Variants in TMPRSS4 observed in about 807,000 individuals in gnomAD.
TMPRSS4 encodes the protein transmembrane serine protease 4.
A neutral mutation model predicts 56.4 loss-of-function variants in TMPRSS4; 45 were observed. The ratio of observed to expected loss-of-function variants is 0.80; its 90% CI spans 0.63 to 1.02. The LOEUF is 1.02. TMPRSS4 is among the 50% of genes least tolerant of loss of function. The pLI, the probability that TMPRSS4 is intolerant of heterozygous loss-of-function variation, is 0.00. For synonymous variants in TMPRSS4, 205 were observed against 211.0 expected, an observed-to-expected ratio of 0.97 and a Z score of 0.25; for missense variants, 546 against 556.7, an observed-to-expected ratio of 0.98 and a Z score of 0.19.
At chr11:118,115,029 C>G in intron 10 of TMPRSS4, 102 bp downstream of exon 10, 1 of 1,547,624 alleles carries the variant, frequency 6.5e-7, no homozygotes, top group South Asian at 1.2e-5. Context: ...AGAAACCCAT[C>G]CTGGAGGACC....
At chr11:118,090,787 CTT>C (rs1945887917) in intron 1 of TMPRSS4, among the ~76,000 whole-genome samples, 1 of 149,876 alleles carries the variant, frequency 6.7e-6, no homozygotes, top group African/African-American at 2.5e-5. Flanking sequence ...CTCTCTCTTT[CTT>C]TCTCTCTCAC....
chr11:118,112,773 C>T (rs1299631330), intron 8 of TMPRSS4, among the ~76,000 whole-genome samples: 1 of 151,832 alleles, frequency 6.6e-6, no homozygotes, highest in African/African-American at 2.4e-5. Context: ...TTCATTAGAC[C>T]CCACCGCTGT....
intron 1 of TMPRSS4, among the ~76,000 whole-genome samples, chr11:118,082,078 A>G (rs1945177934): frequency 6.6e-6 from 1 of 152,158 alleles, no homozygotes; most frequent in South Asian, 2.1e-4. Flanking sequence ...TGCTGGGAGA[A>G]CCTGTCCGGA....
chr11:118,099,433 A>G (rs1946605239), intron 3 of TMPRSS4, among the ~76,000 whole-genome samples: 1 of 146,894 alleles, frequency 6.8e-6, no homozygotes, highest in African/African-American at 2.5e-5. Flanking sequence ...AAACAGAGAG[A>G]GAAAAAGAAA....
chr11:118,087,445 T>C (rs536389452), intron 1 of TMPRSS4: 1 of 152,340 alleles, frequency 6.6e-6, no homozygotes, highest in African/African-American at 2.4e-5. Flanking sequence ...ATTATGAGGT[T>C]ATTAACTCTT....
chr11:118,107,596 C>G (rs1947058087), intron 5 of TMPRSS4, 178 bp from the exon 6 acceptor site: 5 of 533,944 alleles, frequency 9.4e-6, no homozygotes. Flanking sequence ...AGGGTCGGTT[C>G]TTTATTGTAT....
At chr11:118,099,738 G>A (rs1045427235) in intron 3 of TMPRSS4, among the ~76,000 whole-genome samples, 11 of 152,126 alleles carry the variant, frequency 7.2e-5, no homozygotes, top group African/African-American at 2.4e-4. Flanking sequence ...GCGGCTGGAA[G>A]AACAGGGCGA....
intron 2 of TMPRSS4, among the ~76,000 whole-genome samples, chr11:118,097,448 T>C (rs1946468126): frequency 1.3e-5 from 2 of 151,616 alleles, no homozygotes; most frequent in African/African-American, 4.9e-5. Flanking sequence ...CATGTGGAGG[T>C]GAGGGTAGGA....
intron 11 of TMPRSS4, chr11:118,115,684 G>A (rs998198032): frequency 7.1e-5 from 12 of 168,742 alleles, no homozygotes; most frequent in Admixed American, 1.7e-4. Context: ...TTAGCTGGGC[G>A]TGGTGGCACG....
intron 3 of TMPRSS4, among the ~76,000 whole-genome samples, chr11:118,100,402 C>G (rs550653883): frequency 6.6e-6 from 1 of 152,330 alleles, no homozygotes; most frequent in South Asian, 2.1e-4. Flanking sequence ...AGCCAACTGC[C>G]TGGTTAGAGG....
At chr11:118,108,352 C>T in intron 6 of TMPRSS4, 1 of 168,452 alleles carries the variant, frequency 5.9e-6, no homozygotes, top group Non-Finnish European at 1.3e-5. Context: ...TAGAGCAGAG[C>T]ATCCAGATGA....
rs1473193414 is a variant in TMPRSS4 at position 118,117,313 on chromosome 11, TG to T, written c.1163del (p.Gly388ValfsTer4). ...GTTCTGGTCTCTCACAGGGTGACAGTGGTGGGCCCCTGATGTACCAATCTGA... is the reference window on the plus strand; with the variant it reads ...GTTCTGGTCTCTCACAGGGTGACAGTGTGGGCCCCTGATGTACCAATCTGA... ...GGVDTCQGDS[G>X]GPLMYQSDQW... On this transcript the variant is annotated frameshift_variant, in exon 12 of 13. Transcript: ENST00000437212. LOFTEE classifies it high-confidence loss of function. 6.2e-7 allele frequency: 1 copy of T among 1,614,092 alleles called. No homozygotes were observed.
Position 118,117,505 on chromosome 11 carries a change from G to A in TMPRSS4, c.1302+51G>A, listed in dbSNP as rs563923886. On this transcript the variant is annotated intron_variant, in intron 12 of 12. Coordinates refer to ENST00000437212, the MANE Select transcript of TMPRSS4 (RefSeq NM_019894.4). ...GTGCCTTCCCTCCAGTCCTCTACCT[G>A]GGGGGTGCCAATCCATCCTCAGGTT... 4 of 1,570,716 alleles carry A rather than the reference G, an allele frequency of 2.5e-6. No individual in the cohort carries two copies. In the Admixed American group the frequency reaches 7.2e-5, roughly 28 times the overall value.
In TMPRSS4 at chr11:118,118,581, A is replaced by G; in HGVS notation, c.*668A>G. 1 of 985,432 alleles carries G rather than the reference A, an allele frequency of 1.0e-6. No individual in the cohort carries two copies. The highest frequency in any genetic ancestry group is 1.2e-6 in the Non-Finnish European group (1 of 829,934). The allele number at this position is 985,432 out of a possible 1,614,324, so 61.0% of individuals were successfully genotyped here. On this transcript the variant is annotated 3_prime_UTR_variant, in exon 13 of 13. Transcript: ENST00000437212. ...TCAAAGTAGAGGCAGGGGAAAAAAG[A>G]GTTAGGGAGACCAGATCTGCTGAGT...
rs1185556480 is a variant in TMPRSS4, at chr11:118,119,922, A to G, written c.*2009A>G. On this transcript the variant is annotated 3_prime_UTR_variant, in exon 13 of 13. Transcript: ENST00000437212. The stretch of plus-strand genomic sequence containing the variant: ...TTTAGGTGTATAGTTCAGTGGTGTT[A>G]TGTACATTCACACTATTGTGCAGTC... The G allele has an allele frequency of 6.6e-6, 1 of 152,242 alleles. No individual in the cohort carries two copies. Among genetic ancestry groups the G allele is most frequent in the East Asian group, 1.9e-4 (1 of 5,206 alleles). 9.4% of individuals were successfully genotyped at this position (152,242 alleles called of 1,614,324 possible). A position where few individuals can be genotyped will look rare whatever the true frequency, so the allele number is the denominator to read the frequency against.
chr11:118,095,028 T>A, intron 2 of TMPRSS4, 173 bp downstream of exon 2: 1 of 715,642 alleles, frequency 1.4e-6, no homozygotes. Flanking sequence ...CAGGATTCAT[T>A]CCAGAAGTAG....
chr11:118,108,158 A>G (rs967705037), intron 6 of TMPRSS4: 2 of 314,960 alleles, frequency 6.4e-6, no homozygotes, highest in Non-Finnish European at 1.2e-5. Flanking sequence ...ATCAATCTGG[A>G]TAGTAAATAG....
intron 3 of TMPRSS4, among the ~76,000 whole-genome samples, chr11:118,100,003 A>G (rs1479817749): frequency 1.3e-5 from 2 of 152,170 alleles, no homozygotes; most frequent in African/African-American, 4.8e-5. Flanking sequence ...TGAGCACAGC[A>G]GGTTACTGAC....
intron 11 of TMPRSS4, 87 bp downstream of exon 11, chr11:118,115,367 A>T (rs949065424): frequency 6.6e-7 from 1 of 1,509,900 alleles, no homozygotes; most frequent in Admixed American, 2.3e-5. Context: ...CATGCCCTAC[A>T]GGAAGCCTTG....
Sources: allele counts gnomAD v4.1 joint callset (sites outside exome capture counted in the v4.1 genomes callset), GRCh38; gene constraint gnomAD v4.1.1; transcripts MANE v1.5; gene names NCBI Gene and HGNC (gene_info 2026-07-23, HGNC 2026-07-21).